ZHX2: variants seen among roughly 807,000 people sequenced by gnomAD.
ZHX2 encodes the protein zinc fingers and homeoboxes protein 2.
ZHX2 carries 6 observed loss-of-function variants against 21.9 expected under a neutral mutation model. That is an observed-to-expected ratio of 0.27 (90% CI 0.15 to 0.54). ZHX2 has a LOEUF of 0.54. ZHX2 is among the 20% of genes least tolerant of loss of function. The pLI is 0.95. For synonymous variants in ZHX2, 434 were observed against 437.1 expected, an observed-to-expected ratio of 0.99 and a Z score of 0.09; for missense variants, 908 against 1,090.7, an observed-to-expected ratio of 0.83 and a Z score of 2.36.
At chr8:122,840,834 A>G (rs1273846131) in intron 1 of ZHX2, among the ~76,000 whole-genome samples, 1 of 152,184 alleles carries the variant, frequency 6.6e-6, no homozygotes, top group Admixed American at 6.5e-5. Flanking sequence ...TACCCATTTT[A>G]AAGAGCAAGA....
intron 1 of ZHX2, among the ~76,000 whole-genome samples, chr8:122,854,173 G>T (rs1407610256): frequency 6.6e-6 from 1 of 152,168 alleles, no homozygotes; most frequent in Non-Finnish European, 1.5e-5. Context: ...GACTTCCAAT[G>T]CAGGGCCACA....
chr8:122,926,535 G>A (rs942623506), intron 2 of ZHX2, among the ~76,000 whole-genome samples: 2 of 152,202 alleles, frequency 1.3e-5, no homozygotes, highest in African/African-American at 4.8e-5. Flanking sequence ...TAGTTCCACG[G>A]CCCATCGCTG....
chr8:122,889,092 A>G (rs949746049), intron 2 of ZHX2, among the ~76,000 whole-genome samples: 5 of 152,324 alleles, frequency 3.3e-5, no homozygotes, highest in African/African-American at 9.6e-5. Context: ...TCACGACTGA[A>G]TAGTATTTTT....
At chr8:122,864,092 C>T (rs1819232253) in intron 2 of ZHX2, among the ~76,000 whole-genome samples, 1 of 150,972 alleles carries the variant, frequency 6.6e-6, no homozygotes, top group African/African-American at 2.4e-5. Context: ...GAGTGAGTTC[C>T]CTGTTGCTGG....
In ZHX2 at chr8:122,821,302, A is replaced by G. The variant is rs1185585729; in HGVS notation, c.-283+39356A>G. On this transcript the variant is annotated intron_variant, in intron 1 of 3. Transcript: ENST00000314393. ...CTGCTGGGCGCTGGGATGGGATACA[A>G]TGGAGGTGCCTAGGGGCTTGTTGGG... is the stretch of plus-strand genomic sequence containing the variant. Among the ~76,000 whole-genome samples the G allele has an allele frequency of 2.0e-5, 3 of 152,138 alleles. No homozygotes were observed. The East Asian group carries it at 5.8e-4, about 29-fold the overall frequency.
chr8:122,915,043 G>A lies in ZHX2; in HGVS notation c.-219-36249G>A, dbSNP rs73333685. ...CTCCTGGTGACTTTCAGCAGCAATG[G>A]TGCACTCTCCTTTCTTGGGATAGCT... On this transcript the variant is annotated intron_variant, in intron 2 of 3. Coordinates refer to ENST00000314393, the MANE Select transcript of ZHX2 (RefSeq NM_014943.5). Among the ~76,000 whole-genome samples the A allele has an allele frequency of 1.0e-3, 157 of 152,254 alleles. 1 individual carries two copies. Among genetic ancestry groups the A allele is most frequent in the African/African-American group, 3.7e-3 (153 of 41,550 alleles).
intron 1 of ZHX2, among the ~76,000 whole-genome samples, chr8:122,848,957 T>C (rs1320071677): frequency 6.6e-6 from 1 of 152,142 alleles, no homozygotes; most frequent in Non-Finnish European, 1.5e-5. Flanking sequence ...CTGAAACCTG[T>C]TTACCGAGGC....
chr8:122,826,500 G>C (rs1818268736), intron 1 of ZHX2, among the ~76,000 whole-genome samples: 1 of 152,194 alleles, frequency 6.6e-6, no homozygotes, highest in South Asian at 2.1e-4. Context: ...TTACAGAGCT[G>C]AGATTTATAC....
intron 1 of ZHX2, among the ~76,000 whole-genome samples, chr8:122,787,327 T>A (rs1817417280): frequency 6.6e-6 from 1 of 152,156 alleles, no homozygotes; most frequent in African/African-American, 2.4e-5. Flanking sequence ...TAGAAACACT[T>A]AGTGGAGATT....
intron 2 of ZHX2, among the ~76,000 whole-genome samples, chr8:122,929,151 T>G (rs569763142): frequency 6.6e-6 from 1 of 152,220 alleles, no homozygotes; most frequent in Non-Finnish European, 1.5e-5. Flanking sequence ...CTAGTTGTTA[T>G]AACGTTTTTC....
intron 3 of ZHX2, among the ~76,000 whole-genome samples, chr8:122,957,736 G>A (rs899007755): frequency 7.9e-5 from 12 of 152,140 alleles, no homozygotes; most frequent in African/African-American, 1.2e-4. Flanking sequence ...CTCCCAAAGT[G>A]CTGGGATGAC....
chr8:122,798,416 A>T lies in ZHX2; in HGVS notation c.-283+16470A>T, dbSNP rs1210469981. Among the ~76,000 whole-genome samples the T allele has an allele frequency of 2.6e-5, 4 of 152,162 alleles. No individual in the cohort carries two copies. The East Asian group carries it at 7.7e-4, about 29-fold the overall frequency. ...ATTTAAAGGTAGCTGCAGAATGTTGATCTCACATCCTGCCAGGGAATGGTG... is the reference window on the plus strand; with the variant it reads ...ATTTAAAGGTAGCTGCAGAATGTTGTTCTCACATCCTGCCAGGGAATGGTG... On this transcript the variant is annotated intron_variant, in intron 1 of 3. Transcript: ENST00000314393.
chr8:122,823,794 T>A (rs1298161166), intron 1 of ZHX2, among the ~76,000 whole-genome samples: 1 of 152,226 alleles, frequency 6.6e-6, no homozygotes, highest in African/African-American at 2.4e-5. Context: ...TGTTGACACC[T>A]TCTATCCACT....
At chr8:122,913,090 C>G (rs564771456) in intron 2 of ZHX2, among the ~76,000 whole-genome samples, 2 of 152,310 alleles carry the variant, frequency 1.3e-5, no homozygotes, top group Admixed American at 1.3e-4. Context: ...CTATTTCTGC[C>G]TCTATAGACT....
chr8:122,880,774 C>CA (rs35751946), intron 2 of ZHX2, among the ~76,000 whole-genome samples: 2,206 of 77,636 alleles, frequency 0.028, 56 homozygotes, highest in African/African-American at 0.068. Context: ...GACTCCACCT[C>CA]AAAAAAAAAA....
At chr8:122,918,048 T>C (rs1198979596) in intron 2 of ZHX2, among the ~76,000 whole-genome samples, 1 of 152,260 alleles carries the variant, frequency 6.6e-6, no homozygotes, top group Admixed American at 6.5e-5. Flanking sequence ...TGGGCTCATC[T>C]AGATTGTAGT....
chr8:122,851,020 C>T (rs764268737), intron 1 of ZHX2, among the ~76,000 whole-genome samples: 1 of 152,028 alleles, frequency 6.6e-6, no homozygotes, highest in East Asian at 1.9e-4. Flanking sequence ...ACTCTTTTCC[C>T]AGCTATCATT....
intron 1 of ZHX2, among the ~76,000 whole-genome samples, chr8:122,842,313 C>T (rs1372331218): frequency 6.6e-6 from 1 of 152,256 alleles, no homozygotes; most frequent in African/African-American, 2.4e-5. Context: ...CTTCCCCAGC[C>T]TACTTCCTAC....
intron 1 of ZHX2, among the ~76,000 whole-genome samples, chr8:122,857,346 C>T (rs1819050289): frequency 2.0e-5 from 3 of 146,924 alleles, no homozygotes; most frequent in Non-Finnish European, 3.0e-5. Context: ...TGGCAAGTGA[C>T]ACTGTCACAA....
Sources: allele counts gnomAD v4.1 joint callset (sites outside exome capture counted in the v4.1 genomes callset), GRCh38; gene constraint gnomAD v4.1.1; transcripts MANE v1.5; gene names NCBI Gene and HGNC (gene_info 2026-07-23, HGNC 2026-07-21).